RFTN2: variants seen among roughly 807,000 people sequenced by gnomAD.
RFTN2 encodes the protein raftlin family member 2.
Under a neutral mutation model 52.7 loss-of-function variants are expected in RFTN2, and 34 were observed. The ratio of observed to expected loss-of-function variants is 0.64; its 90% CI spans 0.49 to 0.86. The LOEUF (loss-of-function observed/expected upper bound fraction) is 0.86, where lower values mean the gene tolerates loss of function less well. Ranked by LOEUF, RFTN2 falls within the 40% of genes least tolerant of loss-of-function variation. The pLI is 0.00. For missense variants in RFTN2, 536 were observed against 600.1 expected (o/e 0.89, Z 1.12); for synonymous variants, 203 against 217.7 (o/e 0.93, Z 0.59).
At chr2:197,575,739 T>G (rs1199478469) in intron 8 of RFTN2, among the ~76,000 whole-genome samples, 1 of 136,470 alleles carries the variant, frequency 7.3e-6, no homozygotes, top group Non-Finnish European at 1.6e-5. Flanking sequence ...AGGTCATATA[T>G]GTATATAAAA....
chr2:197,587,013 T>G (rs1262702625), intron 8 of RFTN2, among the ~76,000 whole-genome samples: 1 of 152,168 alleles, frequency 6.6e-6, no homozygotes, highest in Non-Finnish European at 1.5e-5. Flanking sequence ...ATGTCCTGGG[T>G]CCTCCCAATT....
intron 8 of RFTN2, among the ~76,000 whole-genome samples, chr2:197,584,390 C>T (rs1309367684): frequency 6.6e-6 from 1 of 152,092 alleles, no homozygotes; most frequent in Non-Finnish European, 1.5e-5. Flanking sequence ...TTTCATGTGT[C>T]TTTTGGCTGC....
intron 7 of RFTN2, among the ~76,000 whole-genome samples, chr2:197,602,218 A>G (rs924166071): frequency 6.6e-6 from 1 of 151,806 alleles, no homozygotes; most frequent in African/African-American, 2.4e-5. Flanking sequence ...GGCGTGCGCC[A>G]TTATGCCTGG....
intron 1 of RFTN2, among the ~76,000 whole-genome samples, chr2:197,651,327 A>G (rs1319009750): frequency 6.6e-6 from 1 of 152,178 alleles, no homozygotes; most frequent in African/African-American, 2.4e-5. Context: ...TATCCAAGAA[A>G]TCATTGTCAG....
rs541088227 is a variant in RFTN2, at chr2:197,630,535, A to G, written c.928+476T>C. 2.0e-4 allele frequency among the ~76,000 whole-genome samples: 30 copies of G among 152,342 alleles called. No individual in the cohort carries two copies. In the South Asian group the frequency reaches 6.0e-3, roughly 31 times the overall value. ...GGGATGAAAGACAAGGTGAAGACAG[A>G]AGTAAGAACAGAGCCAACGTCACTT... On this transcript the variant is annotated intron_variant, in intron 5 of 8. Coordinates refer to ENST00000295049, the MANE Select transcript of RFTN2 (RefSeq NM_144629.3).
At chr2:197,641,988 A>G (rs996060433) in intron 3 of RFTN2, among the ~76,000 whole-genome samples, 1 of 152,226 alleles carries the variant, frequency 6.6e-6, no homozygotes, top group African/African-American at 2.4e-5. Flanking sequence ...CTAAATTAGT[A>G]GCTACATTTT....
At chr2:197,619,121 T>C (rs567440235) in intron 5 of RFTN2, among the ~76,000 whole-genome samples, 328 of 142,828 alleles carry the variant, frequency 2.3e-3, no homozygotes, top group African/African-American at 8.5e-3. Context: ...AGCCGCCCCG[T>C]CCGGGAGGGA....
At position 197,579,668 on chromosome 2, in the gene RFTN2, C is replaced by T. The variant is rs185115941; in HGVS notation, c.1234-7388G>A. On this transcript the variant is annotated intron_variant, in intron 8 of 8. Transcript: ENST00000295049. ...GACTTGTCCCAAATCCTCCTTCTTT[C>T]CCTCCTACCTGTCCCCTCAGTCCCA... Among the ~76,000 whole-genome samples, 27 of 152,172 alleles carry T rather than the reference C, an allele frequency of 1.8e-4. No homozygotes were observed. In the East Asian group the frequency reaches 4.8e-3, roughly 27 times the overall value.
At chr2:197,651,831 A>G (rs2088831842) in intron 1 of RFTN2, among the ~76,000 whole-genome samples, 1 of 152,188 alleles carries the variant, frequency 6.6e-6, no homozygotes, top group African/African-American at 2.4e-5. Flanking sequence ...AAGAACTTTG[A>G]TACTTTCCTG....
At position 197,631,034 on chromosome 2, in the gene RFTN2, A is replaced by T; in HGVS notation, c.905T>A (p.Phe302Tyr). 6.2e-7 allele frequency: 1 copy of T among 1,609,372 alleles called. No individual in the cohort carries two copies. The highest frequency in any genetic ancestry group is 8.5e-7 in the Non-Finnish European group (1 of 1,176,230). ...ACCTTTAGATGTTTCCCAGAATACA[A>T]AAGAATCAATTAAAGACAAGCCTTG... Reference protein sequence around the residue: ...YKQGLSLIDSFVFWETSKGEH... With the variant: ...YKQGLSLIDSYVFWETSKGEH... Residue 302 changes from phenylalanine (F) to tyrosine (Y), a missense_variant, in exon 5 of 9, where the codon TTT becomes TAT. Coordinates refer to ENST00000295049, the MANE Select transcript of RFTN2 (RefSeq NM_144629.3).
Position 197,571,768 on chromosome 2 carries a change from CAT to C in RFTN2, c.*238_*239del, listed in dbSNP as rs1266333703. ...ATTATTGTGTAATAACCGAATGGAA[CAT>C]CTGTTTAACCAGATGTTTTAGTTGA... is the stretch of plus-strand genomic sequence containing the variant. On this transcript the variant is annotated 3_prime_UTR_variant, in exon 9 of 9. Coordinates refer to ENST00000295049, the MANE Select transcript of RFTN2 (RefSeq NM_144629.3). 2.5e-5 allele frequency: 13 copies of C among 528,380 alleles called. No individual in the cohort carries two copies. Among genetic ancestry groups the C allele is most frequent in the Non-Finnish European group, 4.4e-5 (13 of 297,094 alleles). 32.7% of individuals were successfully genotyped at this position (528,380 alleles called of 1,614,324 possible).
chr2:197,592,655 G>T (rs2087737236), intron 8 of RFTN2, among the ~76,000 whole-genome samples: 1 of 152,076 alleles, frequency 6.6e-6, no homozygotes, highest in East Asian at 1.9e-4. Context: ...AAAATTCTTT[G>T]AAAGACTTTA....
At chr2:197,670,863 G>T (rs1408554376) in intron 1 of RFTN2, among the ~76,000 whole-genome samples, 2 of 152,070 alleles carry the variant, frequency 1.3e-5, no homozygotes, top group African/African-American at 4.8e-5. Flanking sequence ...TATTTCCATA[G>T]CCACTCAGGC....
chr2:197,581,504 G>A (rs1404507069), intron 8 of RFTN2, among the ~76,000 whole-genome samples: 8 of 152,142 alleles, frequency 5.3e-5, no homozygotes, highest in Non-Finnish European at 1.2e-4. Flanking sequence ...CTTCAGCCAA[G>A]CTCTTTCTCA....
At chr2:197,574,852 G>A (rs957309222) in intron 8 of RFTN2, among the ~76,000 whole-genome samples, 7 of 148,760 alleles carry the variant, frequency 4.7e-5, no homozygotes, top group Admixed American at 2.1e-4. Context: ...TGGGCAACAA[G>A]AGAAAGACTC....
Position 197,568,588 on chromosome 2 carries a change from A to C in RFTN2, c.*3420T>G, listed in dbSNP as rs890465050. 6.6e-6 allele frequency: 1 copy of C among 152,226 alleles called. No homozygotes were observed. The highest frequency in any genetic ancestry group is 1.9e-4 in the East Asian group (1 of 5,202). The allele number at this position is 152,226 out of a possible 1,614,324, so 9.4% of individuals were successfully genotyped here. ...AGTTTTTCTATGTATCCACTAGTAC[A>C]TTTTTATATAATGTGTTCTTAGTTA... On this transcript the variant is annotated 3_prime_UTR_variant, in exon 9 of 9. Transcript: ENST00000295049.
intron 1 of RFTN2, among the ~76,000 whole-genome samples, chr2:197,661,996 T>C (rs561344289): frequency 2.0e-5 from 3 of 152,214 alleles, no homozygotes; most frequent in Admixed American, 6.5e-5. Flanking sequence ...TTTTTAAAAA[T>C]TGTTGACGTG....
intron 8 of RFTN2, among the ~76,000 whole-genome samples, chr2:197,589,530 TGTCA>T (rs1366430348): frequency 1.3e-5 from 2 of 152,312 alleles, no homozygotes; most frequent in African/African-American, 4.8e-5. Flanking sequence ...TTCTTGGTAT[TGTCA>T]GTATTTTTTA....
At chr2:197,621,470 T>A (rs1701650944) in intron 5 of RFTN2, among the ~76,000 whole-genome samples, 1 of 149,328 alleles carries the variant, frequency 6.7e-6, no homozygotes. Flanking sequence ...TTAGTGCCAT[T>A]TTTCCAAAGG....
Sources: gnomAD v4.1 joint callset for allele counts (sites outside exome capture counted in the v4.1 genomes callset) on GRCh38, gnomAD v4.1.1 for gene constraint, MANE v1.5 for transcripts, NCBI Gene and HGNC (gene_info 2026-07-23, HGNC 2026-07-21) for gene names.